NRG3: variants seen among roughly 807,000 people sequenced by gnomAD.
NRG3 encodes the protein pro-neuregulin-3, membrane-bound isoform.
NRG3 carries 31 observed loss-of-function variants against 66.9 expected under a neutral mutation model. The ratio of observed to expected loss-of-function variants is 0.46; its 90% CI spans 0.35 to 0.63. The LOEUF (loss-of-function observed/expected upper bound fraction) is 0.63. NRG3 is among the 20% of genes least tolerant of loss of function. The probability of loss-of-function intolerance (pLI) is 0.00; values close to 1 mark genes in which losing one functional copy is unlikely to be tolerated. For missense variants in NRG3, 910 were observed against 878.9 expected (o/e 1.04, Z -0.45); for synonymous variants, 393 against 359.4 (o/e 1.09, Z -1.06).
In NRG3 at chr10:82,366,956, C is replaced by T. The variant is rs998123338; in HGVS notation, c.953+8088C>T. Among the ~76,000 whole-genome samples, 9 of 152,198 alleles carry T rather than the reference C, an allele frequency of 5.9e-5. No homozygotes were observed. In the East Asian group the frequency reaches 1.2e-3, roughly 20 times the overall value. On this transcript the variant is annotated intron_variant, in intron 2 of 8. Transcript: ENST00000372141. ...TAATTTAAAAGGAACATTTTTTAAA[C>T]GCAGGATATGTTAGCAGCGAATATG...
At chr10:82,830,103 C>A (rs2062443453) in intron 3 of NRG3, among the ~76,000 whole-genome samples, 1 of 152,184 alleles carries the variant, frequency 6.6e-6, no homozygotes, top group Non-Finnish European at 1.5e-5. Flanking sequence ...TATATTGTGA[C>A]TCATTTTTGA....
intron 1 of NRG3, among the ~76,000 whole-genome samples, chr10:82,275,874 A>G (rs1003086244): frequency 2.6e-5 from 4 of 152,048 alleles, no homozygotes; most frequent in African/African-American, 9.7e-5. Context: ...AACATAACAC[A>G]TTCTTCCAAT....
chr10:82,377,200 A>G (rs1190128839), intron 2 of NRG3, among the ~76,000 whole-genome samples: 3 of 152,212 alleles, frequency 2.0e-5, no homozygotes, highest in Non-Finnish European at 4.4e-5. Context: ...AAGAATATTA[A>G]GCGATCGAAT....
Position 82,196,656 on chromosome 10 carries a change from A to G in NRG3, c.824-162083A>G, listed in dbSNP as rs1367411828. Among the ~76,000 whole-genome samples, 4 of 152,196 alleles carry G rather than the reference A, an allele frequency of 2.6e-5. No homozygotes were observed. The East Asian group carries it at 7.7e-4, about 29-fold the overall frequency. On this transcript the variant is annotated intron_variant, in intron 1 of 8. Coordinates refer to ENST00000372141, the MANE Select transcript of NRG3 (RefSeq NM_001010848.4). ...AATTATTAATAAAATATGTCACCAT[A>G]CTTACTTCTCATTCTTGGTCAATAA...
At chr10:82,484,259 T>C (rs1428960333) in intron 2 of NRG3, among the ~76,000 whole-genome samples, 1 of 152,216 alleles carries the variant, frequency 6.6e-6, no homozygotes, top group Non-Finnish European at 1.5e-5. Context: ...AGACGTTAAG[T>C]TTCAGAATTA....
intron 1 of NRG3, among the ~76,000 whole-genome samples, chr10:82,099,984 A>AATATATATAT (rs3036603): frequency 0.021 from 3,063 of 145,978 alleles, 61 homozygotes; most frequent in Admixed American, 0.049. Context: ...CCCTGTCTCT[A>AATATATATAT]ATATATATAT....
At chr10:82,906,445 G>A in intron 4 of NRG3, among the ~76,000 whole-genome samples, 1 of 152,256 alleles carries the variant, frequency 6.6e-6, no homozygotes. Context: ...TGGGGAATAA[G>A]ATTTGTAACC....
chr10:81,984,029 T>G (rs1274441299), intron 1 of NRG3, among the ~76,000 whole-genome samples: 2 of 152,074 alleles, frequency 1.3e-5, no homozygotes, highest in East Asian at 3.9e-4. Context: ...GAAGCAGAGA[T>G]AGGAATGAGT....
rs565247206 is a variant in NRG3 at position 81,913,706 on chromosome 10, G to A, written c.823+37543G>A. Among the ~76,000 whole-genome samples the A allele has an allele frequency of 2.4e-4, 37 of 152,246 alleles. No individual in the cohort carries two copies. The East Asian group carries it at 6.6e-3, about 27-fold the overall frequency. On this transcript the variant is annotated intron_variant, in intron 1 of 8. Transcript: ENST00000372141. ...CCCAAAGTGCTGGGATTACAGGCATGAGCCACCGCTCCCAGCCAGCACTTT... is the reference window on the plus strand; with the variant it reads ...CCCAAAGTGCTGGGATTACAGGCATAAGCCACCGCTCCCAGCCAGCACTTT...
chr10:82,244,924 G>C (rs1252055377), intron 1 of NRG3, among the ~76,000 whole-genome samples: 1 of 151,984 alleles, frequency 6.6e-6, no homozygotes, highest in Non-Finnish European at 1.5e-5. Context: ...TGTAGAGACG[G>C]GGTTTCACCT....
At chr10:82,529,223 C>G (rs1325536598) in intron 2 of NRG3, among the ~76,000 whole-genome samples, 2 of 152,200 alleles carry the variant, frequency 1.3e-5, no homozygotes, top group African/African-American at 4.8e-5. Context: ...ACTGCTAACT[C>G]TGTGGCTTCA....
chr10:82,201,034 A>G (rs886824279), intron 1 of NRG3, among the ~76,000 whole-genome samples: 1 of 151,864 alleles, frequency 6.6e-6, no homozygotes, highest in Admixed American at 6.6e-5. Context: ...CATCTCTACT[A>G]AAAATACAAA....
chr10:82,584,215 T>A (rs1281708240), intron 2 of NRG3, among the ~76,000 whole-genome samples: 1 of 151,950 alleles, frequency 6.6e-6, no homozygotes, highest in Non-Finnish European at 1.5e-5. Flanking sequence ...GCCTCTGGAG[T>A]AGCTGGGATT....
intron 1 of NRG3, among the ~76,000 whole-genome samples, chr10:82,132,527 T>TATATATATC (rs2068988687): frequency 8.6e-6 from 1 of 115,790 alleles, no homozygotes. Flanking sequence ...ATATATATGA[T>TATATATATC]ATATATATGA....
chr10:82,438,212 A>T (rs1353882587), intron 2 of NRG3, among the ~76,000 whole-genome samples: 1 of 152,210 alleles, frequency 6.6e-6, no homozygotes, highest in East Asian at 1.9e-4. Flanking sequence ...GCTCAGGCCC[A>T]GGGAGATCCA....
At chr10:82,136,403 T>C (rs907906518) in intron 1 of NRG3, among the ~76,000 whole-genome samples, 2 of 151,936 alleles carry the variant, frequency 1.3e-5, no homozygotes, top group African/African-American at 4.8e-5. Context: ...CAGGCGTGTG[T>C]CCTTCTCTTT....
intron 1 of NRG3, among the ~76,000 whole-genome samples, chr10:82,017,672 C>T (rs1308136036): frequency 6.6e-6 from 1 of 152,174 alleles, no homozygotes; most frequent in Non-Finnish European, 1.5e-5. Context: ...TTTTGATTTG[C>T]ATTTCTCTGA....
chr10:82,919,034 A>C (rs897549463), intron 4 of NRG3, among the ~76,000 whole-genome samples: 1 of 151,022 alleles, frequency 6.6e-6, no homozygotes, highest in African/African-American at 2.4e-5. Flanking sequence ...TAAGCCTTTT[A>C]TCTGGTAGGT....
rs148010700 is a variant in NRG3, at chr10:82,698,474, A to G, written c.954-40103A>G. Among the ~76,000 whole-genome samples, 475 of 152,302 alleles carry G rather than the reference A, an allele frequency of 3.1e-3. 1 individual carries two copies. The highest frequency in any genetic ancestry group is 0.011 in the African/African-American group (453 of 41,566). On this transcript the variant is annotated intron_variant, in intron 2 of 8. Transcript: ENST00000372141. ...ATAATACCATGATAAAATAACTTAC[A>G]ATTGCAAAAATGTATTTTTAAAGTA...
Sources: gnomAD v4.1 joint callset for allele counts (sites outside exome capture counted in the v4.1 genomes callset) on GRCh38, gnomAD v4.1.1 for gene constraint, MANE v1.5 for transcripts, NCBI Gene and HGNC (gene_info 2026-07-23, HGNC 2026-07-21) for gene names.